KCNAB1: variants seen among roughly 807,000 people sequenced by gnomAD.
The protein encoded by KCNAB1 is voltage-gated potassium channel subunit beta-1.
A neutral mutation model predicts 64.6 loss-of-function variants in KCNAB1; 35 were observed. The observed-to-expected ratio is 0.54, with a 90% CI of 0.41 to 0.72. KCNAB1 has a LOEUF of 0.72. Ranked by LOEUF, KCNAB1 falls within the 30% of genes least tolerant of loss-of-function variation. The pLI is 0.00. For synonymous variants in KCNAB1, 177 were observed against 183.8 expected (o/e 0.96, Z 0.30); for missense variants, 401 against 512.9 (o/e 0.78, Z 2.11).
chr3:156,318,914 A>G (rs1264811728), intron 1 of KCNAB1, among the ~76,000 whole-genome samples: 1 of 152,232 alleles, frequency 6.6e-6, no homozygotes, highest in Non-Finnish European at 1.5e-5. Flanking sequence ...TAAGGGTCAC[A>G]CAGATGATTA....
At chr3:156,431,436 G>A (rs1716203920) in intron 2 of KCNAB1, among the ~76,000 whole-genome samples, 1 of 152,158 alleles carries the variant, frequency 6.6e-6, no homozygotes, top group African/African-American at 2.4e-5. Context: ...AGTGGAGTGG[G>A]GCTGTGCTGT....
intron 1 of KCNAB1, among the ~76,000 whole-genome samples, chr3:156,166,918 G>A (rs1352958891): frequency 3.3e-5 from 5 of 152,112 alleles, no homozygotes; most frequent in African/African-American, 9.7e-5. Context: ...TGTTTATGGC[G>A]GTTTAGTGTG....
intron 1 of KCNAB1, among the ~76,000 whole-genome samples, chr3:156,325,672 G>A (rs1722927885): frequency 6.6e-6 from 1 of 151,826 alleles, no homozygotes. Flanking sequence ...TATCATACTG[G>A]CCAGGTGTGG....
intron 1 of KCNAB1, chr3:156,177,038 T>C (rs1712427179): frequency 3.8e-6 from 2 of 521,474 alleles, no homozygotes; most frequent in Non-Finnish European, 3.4e-6. Context: ...CCCTTCCCCA[T>C]CCTTCAAATC....
intron 7 of KCNAB1, among the ~76,000 whole-genome samples, chr3:156,470,347 T>C (rs1050977950): frequency 2.0e-5 from 3 of 152,188 alleles, no homozygotes; most frequent in South Asian, 2.1e-4. Context: ...AATCTTAGAA[T>C]TTAGCAGAAC....
chr3:156,175,922 C>T, intron 1 of KCNAB1: 1 of 910,122 alleles, frequency 1.1e-6, no homozygotes. Context: ...GGGTGGAAAG[C>T]AACTTCATTG....
chr3:156,527,292 A>G (rs146693792), intron 12 of KCNAB1, among the ~76,000 whole-genome samples: 119 of 152,334 alleles, frequency 7.8e-4, no homozygotes, highest in African/African-American at 2.8e-3. Context: ...ATAATAATAC[A>G]TATCTTACAA....
intron 1 of KCNAB1, among the ~76,000 whole-genome samples, chr3:156,352,748 C>G (rs916966543): frequency 6.6e-6 from 1 of 152,154 alleles, no homozygotes; most frequent in Admixed American, 6.5e-5. Context: ...AGCTGAGCAG[C>G]CTGGAAAGGA....
chr3:156,139,284 A>G (rs1714553252), intron 1 of KCNAB1, among the ~76,000 whole-genome samples: 1 of 152,166 alleles, frequency 6.6e-6, no homozygotes, highest in African/African-American at 2.4e-5. Flanking sequence ...CCAGACAAAT[A>G]TTGGCTTTCT....
intron 1 of KCNAB1, among the ~76,000 whole-genome samples, chr3:156,225,506 G>A (rs1716097947): frequency 6.6e-6 from 1 of 152,108 alleles, no homozygotes; most frequent in African/African-American, 2.4e-5. Flanking sequence ...CCTGAGAACT[G>A]GAACAAGACA....
chr3:156,466,974 T>C (rs1214060363), intron 7 of KCNAB1, among the ~76,000 whole-genome samples: 4 of 152,110 alleles, frequency 2.6e-5, no homozygotes, highest in Non-Finnish European at 5.9e-5. Flanking sequence ...TACATCTCAA[T>C]AAACCCATCT....
At chr3:156,176,344 A>G (rs1244980181) in intron 1 of KCNAB1, 4 of 816,696 alleles carry the variant, frequency 4.9e-6, no homozygotes, top group South Asian at 2.7e-5. Context: ...CACCTGGTAC[A>G]TGTTCTGAAA....
At chr3:156,245,351 C>T (rs1362703833) in intron 1 of KCNAB1, among the ~76,000 whole-genome samples, 3 of 152,058 alleles carry the variant, frequency 2.0e-5, no homozygotes, top group African/African-American at 7.2e-5. Context: ...GTTAAAAGAA[C>T]GATAATCATT....
At chr3:156,247,253 A>G (rs986740001) in intron 1 of KCNAB1, among the ~76,000 whole-genome samples, 16 of 152,178 alleles carry the variant, frequency 1.1e-4, no homozygotes, top group African/African-American at 3.9e-4. Flanking sequence ...GGTCTGAGAT[A>G]GCAATGGAAC....
At chr3:156,489,909 G>GA (rs1715513361) in intron 8 of KCNAB1, among the ~76,000 whole-genome samples, 1 of 152,098 alleles carries the variant, frequency 6.6e-6, no homozygotes, top group East Asian at 1.9e-4. Context: ...AGATGGGGGT[G>GA]AGGCAGGGAC....
intron 1 of KCNAB1, among the ~76,000 whole-genome samples, chr3:156,198,200 A>C (rs1714080607): frequency 6.6e-6 from 1 of 152,156 alleles, no homozygotes; most frequent in Non-Finnish European, 1.5e-5. Flanking sequence ...GGAATGTTTT[A>C]CTTCCAATTA....
chr3:156,423,291 A>T (rs1418629399), intron 2 of KCNAB1, among the ~76,000 whole-genome samples: 1 of 152,210 alleles, frequency 6.6e-6, no homozygotes, highest in East Asian at 1.9e-4. Flanking sequence ...GATGCGGAAA[A>T]AGGAGAGAGA....
intron 8 of KCNAB1, among the ~76,000 whole-genome samples, chr3:156,496,216 T>G (rs941777264): frequency 6.6e-6 from 1 of 152,150 alleles, no homozygotes; most frequent in Non-Finnish European, 1.5e-5. Flanking sequence ...TTGTTTTAAA[T>G]CAATTTCTTT....
chr3:156,267,173 C>T (rs528518571), intron 1 of KCNAB1, among the ~76,000 whole-genome samples: 1 of 152,254 alleles, frequency 6.6e-6, no homozygotes, highest in Non-Finnish European at 1.5e-5. Flanking sequence ...TATGTCAAAA[C>T]AGTGTTACAC....
Sources: allele counts gnomAD v4.1 joint callset (sites outside exome capture counted in the v4.1 genomes callset), GRCh38; gene constraint gnomAD v4.1.1; transcripts MANE v1.5; gene names NCBI Gene and HGNC (gene_info 2026-07-23, HGNC 2026-07-21).